The following PDZD2 variants were observed in gnomAD, a reference collection of about 807,000 sequenced individuals.
PDZD2 encodes PDZ domain-containing protein 2.
Under a neutral mutation model 220.7 loss-of-function variants are expected in PDZD2, and 90 were observed. That is an observed-to-expected ratio of 0.41 (90% CI 0.34 to 0.49). PDZD2 has a LOEUF of 0.49. Ranked by LOEUF, PDZD2 falls within the 20% of genes least tolerant of loss-of-function variation. PDZD2 has a pLI of 0.28. For missense variants in PDZD2, 3,174 were observed against 3,608.5 expected (o/e 0.88, Z 3.08); for synonymous variants, 1,375 against 1,450.5 (o/e 0.95, Z 1.18).
intron 14 of PDZD2, among the ~76,000 whole-genome samples, chr5:32,065,252 T>C (rs1261878741): frequency 6.6e-6 from 1 of 152,172 alleles, no homozygotes; most frequent in Non-Finnish European, 1.5e-5. Context: ...TGAGCCAAGA[T>C]TGTGCCACTG....
intron 1 of PDZD2, among the ~76,000 whole-genome samples, chr5:31,759,782 C>T (rs1362737819): frequency 2.6e-5 from 4 of 152,012 alleles, no homozygotes; most frequent in South Asian, 2.1e-4. Context: ...TGACCTCAGG[C>T]GATCCTCTCA....
At chr5:32,012,027 T>C (rs1267311310) in intron 6 of PDZD2, among the ~76,000 whole-genome samples, 2 of 152,158 alleles carry the variant, frequency 1.3e-5, no homozygotes, top group Admixed American at 6.5e-5. Context: ...AGAAGGGAAA[T>C]GATGTGGCGG....
At chr5:31,885,968 T>TG (rs1426008581) in intron 2 of PDZD2, among the ~76,000 whole-genome samples, 38 of 152,170 alleles carry the variant, frequency 2.5e-4, no homozygotes, top group South Asian at 6.2e-4. Context: ...TGGAGTGCAG[T>TG]GGCTCACTGC....
chr5:31,995,116 C>G (rs1173563299), intron 3 of PDZD2, among the ~76,000 whole-genome samples: 1 of 152,156 alleles, frequency 6.6e-6, no homozygotes, highest in Non-Finnish European at 1.5e-5. Flanking sequence ...CCAGAAATAG[C>G]CAGTGTTGAC....
Position 31,849,912 on chromosome 5 carries a change from A to G in PDZD2, c.476+50188A>G, listed in dbSNP as rs1561506977. Among the ~76,000 whole-genome samples, 36 of 23,868 alleles carry G rather than the reference A, an allele frequency of 1.5e-3. 6 individuals are homozygous for G. The highest frequency in any genetic ancestry group is 3.0e-3 in the Admixed American group (6 of 2,028). 15.7% of individuals were successfully genotyped at this position (23,868 alleles called of 152,430 possible). ...TACACATATATATATATACATATATATATATACATATATATATATACACAT... is the reference window on the plus strand; with the variant it reads ...TACACATATATATATATACATATATGTATATACATATATATATATACACAT... On this transcript the variant is annotated intron_variant, in intron 2 of 24. Coordinates refer to ENST00000438447, the MANE Select transcript of PDZD2 (RefSeq NM_178140.4).
At chr5:32,100,510 C>G (rs1183044805) in intron 23 of PDZD2, 2 of 296,912 alleles carry the variant, frequency 6.7e-6, no homozygotes, top group Non-Finnish European at 1.3e-5. Flanking sequence ...CCAGTAGAGG[C>G]AGCGAGTGTG....
chr5:31,802,249 A>C (rs1331230048), intron 2 of PDZD2, among the ~76,000 whole-genome samples: 2 of 152,132 alleles, frequency 1.3e-5, no homozygotes, highest in Non-Finnish European at 2.9e-5. Flanking sequence ...GTAGCTGCCT[A>C]TGCTAAAATA....
chr5:31,950,327 T>G (rs1270302813), intron 2 of PDZD2, among the ~76,000 whole-genome samples: 1 of 151,984 alleles, frequency 6.6e-6, no homozygotes, highest in Admixed American at 6.6e-5. Flanking sequence ...AGAAGGTGAG[T>G]TGTAGATTGC....
At chr5:31,734,831 C>A (rs1749753949) in intron 1 of PDZD2, among the ~76,000 whole-genome samples, 1 of 152,100 alleles carries the variant, frequency 6.6e-6, no homozygotes, top group Non-Finnish European at 1.5e-5. Context: ...ATCTCATTAG[C>A]ATAAGAAAAA....
chr5:32,000,033 A>T lies in PDZD2; in HGVS notation c.1122-106A>T, dbSNP rs997586702. 4 of 932,540 alleles carry T rather than the reference A, an allele frequency of 4.3e-6. No individual in the cohort carries two copies. The African/African-American group carries it at 6.6e-5, about 15-fold the overall frequency. 57.8% of individuals were successfully genotyped at this position (932,540 alleles called of 1,614,324 possible). A position where few individuals can be genotyped will look rare whatever the true frequency, so the allele number is the denominator to read the frequency against. On this transcript the variant is annotated intron_variant, in intron 4 of 24. Coordinates refer to ENST00000438447, the MANE Select transcript of PDZD2 (RefSeq NM_178140.4). The surrounding 1 kb of genome is among the most constrained non-coding windows in gnomAD (Gnocchi z 4.5). ...GCCATCACAGTATCCTCTTTAGCCC[A>T]ATCTTAACCGTCCCTCCTCACAACC...
chr5:31,884,002 C>T (rs1364478608), intron 2 of PDZD2, among the ~76,000 whole-genome samples: 2 of 152,306 alleles, frequency 1.3e-5, no homozygotes, highest in South Asian at 2.1e-4. Flanking sequence ...CACCTGAGGT[C>T]AGGAGCTTGA....
chr5:31,983,238 A>G lies in PDZD2; in HGVS notation c.560A>G (p.Tyr187Cys), dbSNP rs138261337. The G allele has an allele frequency of 3.8e-4, 607 of 1,614,212 alleles. No individual in the cohort carries two copies. Among genetic ancestry groups the G allele is most frequent in the Non-Finnish European group, 2.3e-4 (274 of 1,180,026 alleles). Residue 187 changes from tyrosine (Y) to cysteine (C), a missense_variant, in exon 3 of 25, where the codon TAT becomes TGT. Physicochemically the swap from Tyr to Cys is radical, Grantham distance 194. Transcript: ENST00000438447. Reference sequence around the variant, plus strand: ...TTTAAGCACAAAGCCCACTCCACTTATAATGGCAACAGTAGCAACAGCTCT... The same window carrying G: ...TTTAAGCACAAAGCCCACTCCACTTGTAATGGCAACAGTAGCAACAGCTCT... Reference protein sequence around the residue: ...RRFKHKAHSTYNGNSSNSSEP... With the variant: ...RRFKHKAHSTCNGNSSNSSEP...
chr5:31,858,291 T>A (rs891272493), intron 2 of PDZD2, among the ~76,000 whole-genome samples: 1 of 149,918 alleles, frequency 6.7e-6, no homozygotes, highest in African/African-American at 2.5e-5. Flanking sequence ...AACAAAAAAA[T>A]TCCTTCCTTC....
chr5:31,705,100 G>T (rs749310436), intron 1 of PDZD2, among the ~76,000 whole-genome samples: 2 of 152,040 alleles, frequency 1.3e-5, no homozygotes, highest in Non-Finnish European at 2.9e-5. Context: ...GGCGAAGGTT[G>T]CAGTGAGCCG....
At chr5:31,972,361 G>A (rs530759331) in intron 2 of PDZD2, among the ~76,000 whole-genome samples, 13 of 152,074 alleles carry the variant, frequency 8.5e-5, no homozygotes, top group Non-Finnish European at 1.5e-4. Context: ...TGATCCACCC[G>A]CCTCAGTCTC....
In PDZD2 at chr5:31,712,451, C is replaced by CCT. The variant is rs72212182; in HGVS notation, c.-361+73044_-361+73045dup. On this transcript the variant is annotated intron_variant, in intron 1 of 24. Transcript: ENST00000438447. Reference sequence around the variant, plus strand: ...TGGGGCACTGGGATGGCTGGGCCTGCCTCTCTCTCTCTCTCTCTCTCTCTC... The same window carrying CCT: ...TGGGGCACTGGGATGGCTGGGCCTGCCTCTCTCTCTCTCTCTCTCTCTCTCTC... 1.0e-3 allele frequency among the ~76,000 whole-genome samples: 134 copies of CCT among 131,448 alleles called. 1 individual carries two copies. The highest frequency in any genetic ancestry group is 3.8e-3 in the Middle Eastern group (1 of 262). The allele number at this position is 131,448 out of a possible 152,430, so 86.2% of individuals were successfully genotyped here.
chr5:31,972,941 G>A (rs1430163320), intron 2 of PDZD2, among the ~76,000 whole-genome samples: 1 of 152,202 alleles, frequency 6.6e-6, no homozygotes, highest in Non-Finnish European at 1.5e-5. Flanking sequence ...TCCACTCACA[G>A]TAATTTAATA....
At chr5:31,785,943 A>G (rs1057348823) in intron 1 of PDZD2, among the ~76,000 whole-genome samples, 1 of 152,076 alleles carries the variant, frequency 6.6e-6, no homozygotes, top group Admixed American at 6.6e-5. Context: ...ATGATGGCAC[A>G]TGAGTAGCAA....
At chr5:31,692,165 G>A (rs1365184712) in intron 1 of PDZD2, among the ~76,000 whole-genome samples, 1 of 152,236 alleles carries the variant, frequency 6.6e-6, no homozygotes, top group Admixed American at 6.5e-5. Flanking sequence ...TCGCGGGAAG[G>A]CAGCTAAGGC....
Sources: gnomAD v4.1 joint callset for allele counts (sites outside exome capture counted in the v4.1 genomes callset) on GRCh38, gnomAD v4.1.1 for gene constraint, Gnocchi (gnomAD v3.1) non-coding constraint, MANE v1.5 for transcripts, NCBI Gene and HGNC (gene_info 2026-07-23, HGNC 2026-07-21) for gene names.